Variants in LIN9 observed in about 807,000 individuals in gnomAD.
The protein encoded by LIN9 is lin-9 DREAM MuvB core complex component.
Under a neutral mutation model 78.0 loss-of-function variants are expected in LIN9, and 18 were observed. That is an observed-to-expected ratio of 0.23 (90% CI 0.16 to 0.34). The LOEUF (loss-of-function observed/expected upper bound fraction) is 0.34, where lower values mean the gene tolerates loss of function less well. Among genes scored for constraint, LIN9 ranks in the 10% least tolerant of loss-of-function variants. The pLI is 1.00. For synonymous variants in LIN9, 192 were observed against 215.2 expected, an observed-to-expected ratio of 0.89 and a Z score of 0.94; for missense variants, 451 against 644.1, an observed-to-expected ratio of 0.70 and a Z score of 3.25.
intron 10 of LIN9, among the ~76,000 whole-genome samples, chr1:226,252,154 G>T (rs949729862): frequency 6.6e-6 from 1 of 151,982 alleles, no homozygotes; most frequent in Non-Finnish European, 1.5e-5. Context: ...TTGGTGGCTT[G>T]CATCTGTAGT....
At chr1:226,283,514 T>C (rs1292925975) in intron 6 of LIN9, among the ~76,000 whole-genome samples, 1 of 152,078 alleles carries the variant, frequency 6.6e-6, no homozygotes, top group East Asian at 1.9e-4. Context: ...GAATTAGCTC[T>C]CTGTAATAAG....
At chr1:226,281,851 G>A (rs1182652034) in intron 6 of LIN9, among the ~76,000 whole-genome samples, 3 of 151,804 alleles carry the variant, frequency 2.0e-5, no homozygotes, top group Admixed American at 1.3e-4. Flanking sequence ...GTGCCACCAC[G>A]CCCAGCTAAT....
At position 226,250,776 on chromosome 1, in the gene LIN9, T is replaced by C. The variant is rs555588076; in HGVS notation, c.1119+63A>G. ...ATAGATATTTTTAAATCATTAGATA[T>C]AGATGGTCTCACTATTTTAAAATTA... On this transcript the variant is annotated intron_variant, in intron 11 of 14. Transcript: ENST00000681046. 9 of 812,522 alleles carry C rather than the reference T, an allele frequency of 1.1e-5. No homozygotes were observed. In the African/African-American group the frequency reaches 1.4e-4, roughly 13 times the overall value. The allele number at this position is 812,522 out of a possible 1,614,324, so 50.3% of individuals were successfully genotyped here.
rs374526002 is a variant in LIN9, at chr1:226,265,548, T to C, written c.1023A>G (p.Glu341=). ...CAATTCTTACCACTTGGATAAGAAATTCTACTGGAAAACCACCTAATGTTT... is the reference window on the plus strand; with the variant it reads ...CAATTCTTACCACTTGGATAAGAAACTCTACTGGAAAACCACCTAATGTTT... ...DTETLGGFPV[E]FLIQVTRLSK... is the part of the protein sequence containing the mutation. The change falls in exon 10 of 15, where the codon GAA becomes GAG. Residue 341 remains glutamate, a synonymous_variant. Transcript: ENST00000681046. The surrounding 1 kb of genome is among the most constrained non-coding windows in gnomAD (Gnocchi z 4.1). 2.5e-6 allele frequency: 4 copies of C among 1,603,900 alleles called. No homozygotes were observed. In the African/African-American group the frequency reaches 5.4e-5, roughly 21 times the overall value.
intron 7 of LIN9, among the ~76,000 whole-genome samples, chr1:226,270,356 CCAA>C (rs1171623988): frequency 6.6e-6 from 1 of 152,028 alleles, no homozygotes; most frequent in Non-Finnish European, 1.5e-5. Context: ...TAAAGCAAAT[CCAA>C]CAACTCTCCA....
intron 10 of LIN9, among the ~76,000 whole-genome samples, chr1:226,253,912 T>C (rs1237990568): frequency 6.6e-6 from 1 of 151,874 alleles, no homozygotes; most frequent in Non-Finnish European, 1.5e-5. Flanking sequence ...AAGATTCTGT[T>C]TCAAAAAAGA....
At chr1:226,290,575 C>T (rs1661706840) in intron 4 of LIN9, among the ~76,000 whole-genome samples, 2 of 151,930 alleles carry the variant, frequency 1.3e-5, no homozygotes, top group South Asian at 2.1e-4. Context: ...CTCCTGACCT[C>T]GTGATCCGCC....
chr1:226,304,851 GCAACTGTAATA>G (rs1293605365), intron 1 of LIN9, among the ~76,000 whole-genome samples: 1 of 152,114 alleles, frequency 6.6e-6, no homozygotes, highest in African/African-American at 2.4e-5. Context: ...ATACAAAACT[GCAACTGTAATA>G]GCTGCCACTA....
At position 226,232,309 on chromosome 1, in the gene LIN9, AAG is replaced by A; in HGVS notation, c.*190_*191del. Reference sequence around the variant, plus strand: ...CAATGCTACTGCATCTGAATAATAAAAGAAAAATAAATATAATGCTGGTCAGC... The same window carrying A: ...CAATGCTACTGCATCTGAATAATAAAAAAAATAAATATAATGCTGGTCAGC... On this transcript the variant is annotated 3_prime_UTR_variant, in exon 15 of 15. Coordinates refer to ENST00000681046, the MANE Select transcript of LIN9 (RefSeq NM_001366245.2). The A allele has an allele frequency of 2.4e-6, 1 of 413,318 alleles. No individual in the cohort carries two copies. Among genetic ancestry groups the A allele is most frequent in the East Asian group, 3.5e-5 (1 of 28,802 alleles). 25.6% of individuals were successfully genotyped at this position (413,318 alleles called of 1,614,324 possible). A position where few individuals can be genotyped will look rare whatever the true frequency, so the allele number is the denominator to read the frequency against.
intron 10 of LIN9, among the ~76,000 whole-genome samples, chr1:226,261,465 A>G (rs1235431286): frequency 6.6e-6 from 1 of 152,238 alleles, no homozygotes. Context: ...GTTAACATAC[A>G]AAAGTCAATT....
rs1657913088 is a variant in LIN9 at position 226,238,846 on chromosome 1, T to C, written c.1245+125A>G. 8 of 863,526 alleles carry C rather than the reference T, an allele frequency of 9.3e-6. No individual in the cohort carries two copies. In the Admixed American group the frequency reaches 1.7e-4, roughly 18 times the overall value. 53.5% of individuals were successfully genotyped at this position (863,526 alleles called of 1,614,324 possible). Reference sequence around the variant, plus strand: ...ATGCTGGGAGGAGTAAGAAACTTTATATAATACAGTTCTGCTAAAGGACTT... The same window carrying C: ...ATGCTGGGAGGAGTAAGAAACTTTACATAATACAGTTCTGCTAAAGGACTT... On this transcript the variant is annotated intron_variant, in intron 12 of 14. Coordinates refer to ENST00000681046, the MANE Select transcript of LIN9 (RefSeq NM_001366245.2).
chr1:226,305,796 TA>T (rs1445546040), intron 1 of LIN9, among the ~76,000 whole-genome samples: 2 of 152,068 alleles, frequency 1.3e-5, no homozygotes, highest in Non-Finnish European at 2.9e-5. Context: ...CAAAGGGTCT[TA>T]TAGCTACTAA....
intron 6 of LIN9, among the ~76,000 whole-genome samples, chr1:226,281,765 C>T (rs1576335389): frequency 6.7e-6 from 1 of 148,526 alleles, no homozygotes. Context: ...GTGATCTCGG[C>T]TCACTGCAAC....
intron 7 of LIN9, among the ~76,000 whole-genome samples, chr1:226,277,409 T>C (rs1005702813): frequency 6.6e-6 from 1 of 152,138 alleles, no homozygotes; most frequent in African/African-American, 2.4e-5. Context: ...CTATAGTAAA[T>C]TGCACAGAGC....
At chr1:226,270,630 T>A (rs1164055172) in intron 7 of LIN9, among the ~76,000 whole-genome samples, 1 of 152,012 alleles carries the variant, frequency 6.6e-6, no homozygotes, top group African/African-American at 2.4e-5. Flanking sequence ...AAGACCAGTC[T>A]GTGCAACATG....
rs142634559 is a variant in LIN9 at position 226,258,992 on chromosome 1, A to C, written c.1038+6541T>G. 4.3e-3 allele frequency among the ~76,000 whole-genome samples: 579 copies of C among 136,062 alleles called. 25 individuals carry two copies. In the South Asian group the frequency reaches 0.083, roughly 19 times the overall value. The allele number at this position is 136,062 out of a possible 152,430, so 89.3% of individuals were successfully genotyped here. A position where few individuals can be genotyped will look rare whatever the true frequency, so the allele number is the denominator to read the frequency against. On this transcript the variant is annotated intron_variant, in intron 10 of 14. Coordinates refer to ENST00000681046, the MANE Select transcript of LIN9 (RefSeq NM_001366245.2). ...TAATAATTTTTTTTTTTTTTTTGAG[A>C]CAGAGTCTTGCTCTGTCACCCAGGC...
At chr1:226,263,598 A>G (rs1370166181) in intron 10 of LIN9, among the ~76,000 whole-genome samples, 1 of 152,198 alleles carries the variant, frequency 6.6e-6, no homozygotes, top group Non-Finnish European at 1.5e-5. Context: ...ACCTGTTCAA[A>G]TATAACATAT....
At chr1:226,241,677 T>C (rs980996038) in intron 11 of LIN9, among the ~76,000 whole-genome samples, 3 of 152,014 alleles carry the variant, frequency 2.0e-5, no homozygotes, top group Non-Finnish European at 4.4e-5. Context: ...GCTAACACGG[T>C]GAAACCCCGT....
At chr1:226,280,683 G>A (rs1660991361) in intron 6 of LIN9, among the ~76,000 whole-genome samples, 1 of 152,174 alleles carries the variant, frequency 6.6e-6, no homozygotes, top group Non-Finnish European at 1.5e-5. Flanking sequence ...GCTGAGGCAG[G>A]AGAGTCGCTT....
Sources: gnomAD v4.1 joint callset for allele counts (sites outside exome capture counted in the v4.1 genomes callset) on GRCh38, gnomAD v4.1.1 for gene constraint, Gnocchi (gnomAD v3.1) non-coding constraint, MANE v1.5 for transcripts, NCBI Gene and HGNC (gene_info 2026-07-23, HGNC 2026-07-21) for gene names.